The following CACNA1I variants were observed in gnomAD, a reference collection of about 807,000 sequenced individuals.
CACNA1I encodes the protein voltage-dependent T-type calcium channel subunit alpha-1I.
A neutral mutation model predicts 201.6 loss-of-function variants in CACNA1I; 74 were observed. That is an observed-to-expected ratio of 0.37 (90% CI 0.30 to 0.45). The LOEUF is 0.45. CACNA1I is among the 20% of genes least tolerant of loss of function. CACNA1I has a pLI of 1.00. For missense variants in CACNA1I, 2,346 were observed against 3,138.1 expected, an observed-to-expected ratio of 0.75 and a Z score of 6.03; for synonymous variants, 1,431 against 1,345.2, an observed-to-expected ratio of 1.06 and a Z score of -1.40.
At chr22:39,655,794 T>C (rs1163367258) in intron 10 of CACNA1I, among the ~76,000 whole-genome samples, 1 of 152,200 alleles carries the variant, frequency 6.6e-6, no homozygotes, top group African/African-American at 2.4e-5. Context: ...TCATGAGTGA[T>C]GGATGGTCCA....
intron 1 of CACNA1I, among the ~76,000 whole-genome samples, chr22:39,578,836 T>C (rs1006411227): frequency 1.3e-5 from 2 of 152,196 alleles, no homozygotes; most frequent in Non-Finnish European, 2.9e-5. Context: ...TCCAGTGCTC[T>C]GTTTTGAAGC....
intron 20 of CACNA1I, 126 bp from the exon 21 acceptor site, chr22:39,664,613 A>AG: frequency 4.2e-6 from 2 of 474,224 alleles, no homozygotes; most frequent in Non-Finnish European, 3.9e-6. Flanking sequence ...CGCCACTTGC[A>AG]GGACCCCGCC....
rs185568205 is a variant in CACNA1I at position 39,652,544 on chromosome 22, C to T, written c.1992+2619C>T. On this transcript the variant is annotated intron_variant, in intron 10 of 36. Coordinates refer to ENST00000402142, the MANE Select transcript of CACNA1I (RefSeq NM_021096.4). ...ACCCTCAAGGCAGGTATTATTACCT[C>T]GCCCCTCTTGTACCCTTGGAAGGCC... 2.0e-5 allele frequency among the ~76,000 whole-genome samples: 3 copies of T among 152,320 alleles called. No homozygotes were observed. In the East Asian group the frequency reaches 5.8e-4, roughly 29 times the overall value.
chr22:39,684,504 G>C lies in CACNA1I; in HGVS notation c.6027+6G>C, dbSNP rs1412112609. ...ACTGTACCCTCCTCCGGCAGGTACC[G>C]ACACCTCCCAGGCCCTAGAGCACTG... On this transcript the variant is annotated splice_donor_region_variant and intron_variant, in intron 36 of 36. Coordinates refer to ENST00000402142, the MANE Select transcript of CACNA1I (RefSeq NM_021096.4). This position sits in a 1 kb window ranked among gnomAD's most constrained non-coding sequence, Gnocchi z 4.6. 1 of 1,610,966 alleles carries C rather than the reference G, an allele frequency of 6.2e-7. No individual in the cohort carries two copies. Among genetic ancestry groups the C allele is most frequent in the African/African-American group, 1.3e-5 (1 of 74,900 alleles).
intron 31 of CACNA1I, 75 bp from the exon 32 acceptor site, chr22:39,679,032 C>A: frequency 8.3e-7 from 1 of 1,211,242 alleles, no homozygotes; most frequent in South Asian, 1.5e-5. Context: ...CGAGCGTGGC[C>A]CTGGGCTGGC....
chr22:39,609,754 T>G (rs1933330575), intron 3 of CACNA1I, among the ~76,000 whole-genome samples: 1 of 152,182 alleles, frequency 6.6e-6, no homozygotes, highest in Non-Finnish European at 1.5e-5. Flanking sequence ...TCAGGCAAGA[T>G]CACAAGAGAG....
intron 10 of CACNA1I, among the ~76,000 whole-genome samples, chr22:39,657,220 C>G (rs1462550221): frequency 6.6e-6 from 1 of 152,132 alleles, no homozygotes; most frequent in Non-Finnish European, 1.5e-5. Context: ...ATGCCATTTG[C>G]AGGATATCAG....
chr22:39,641,267 C>T (rs1279441833), intron 6 of CACNA1I, 85 bp downstream of exon 6: 15 of 1,161,322 alleles, frequency 1.3e-5, no homozygotes, highest in Middle Eastern at 4.0e-4. Context: ...AGGCATTTGC[C>T]AGCCCTCATC....
rs1439352124 is a variant in CACNA1I, at chr22:39,686,086, G to A, written c.6353G>A (p.Gly2118Asp). Residue 2118 changes from glycine (G) to aspartate (D), a missense_variant, in exon 37 of 37, where the codon GGC becomes GAC. This residue lies in a region of CACNA1I where 441 missense variants were observed against 555.6 expected (regional missense o/e 0.79). Transcript: ENST00000402142. ...EEGRGGAGGG[G>D]AGSEHSETLS... ...GGCCGCGGTGGCGCGGGCGGCGGGG[G>A]CGCGGGCAGCGAGCACTCGGAGACC... The A allele has an allele frequency of 8.1e-7, 1 of 1,235,610 alleles. No individual in the cohort carries two copies. The highest frequency in any genetic ancestry group is 1.0e-6 in the Non-Finnish European group (1 of 992,584). The allele number at this position is 1,235,610 out of a possible 1,614,324, so 76.5% of individuals were successfully genotyped here.
chr22:39,672,962 G>GC lies in CACNA1I; in HGVS notation c.4663_4664insC (p.Asp1555AlafsTer124). 6.2e-7 allele frequency: 1 copy of GC among 1,613,524 alleles called. No individual in the cohort carries two copies. Among genetic ancestry groups the GC allele is most frequent in the Non-Finnish European group, 8.5e-7 (1 of 1,179,630 alleles). ...ACGGCTGAGCAGATGGAACCAGCTGGACCTGGCCATTGTGCTACTGTCAGT... is the reference window on the plus strand; with the variant it reads ...ACGGCTGAGCAGATGGAACCAGCTGGCACCTGGCCATTGTGCTACTGTCAGT... On this transcript the variant is annotated frameshift_variant, in exon 28 of 37. Transcript: ENST00000402142. LOFTEE classifies it high-confidence loss of function.
chr22:39,607,895 C>CGGGG lies in CACNA1I; in HGVS notation c.482+7248_482+7251dup, dbSNP rs34811604. Among the ~76,000 whole-genome samples, 65 of 139,352 alleles carry CGGGG rather than the reference C, an allele frequency of 4.7e-4. 1 individual carries two copies. Among genetic ancestry groups the CGGGG allele is most frequent in the African/African-American group, 1.6e-3 (60 of 36,502 alleles). 91.4% of individuals were successfully genotyped at this position (139,352 alleles called of 152,430 possible). On this transcript the variant is annotated intron_variant, in intron 3 of 36. Transcript: ENST00000402142. ...ATCCCAGCACTTTGGGGTGCCAAGG[C>CGGGG]GGGGGGGGGTCACCTGAGGTCAGGA...
chr22:39,661,124 A>G lies in CACNA1I; in HGVS notation c.2715A>G (p.Pro905=). ...LDSSGDPKLC[P]IPMTPNGHLD... is the part of the protein sequence containing the mutation. ...CTCCTCCAGATCCCAAGCTCTGCCC[A>G]ATCCCCATGACCCCCAATGGGCACC... The change falls in exon 16 of 37, where the codon CCA becomes CCG. Residue 905 remains proline (P), a synonymous_variant. Coordinates refer to ENST00000402142, the MANE Select transcript of CACNA1I (RefSeq NM_021096.4). The G allele has an allele frequency of 6.2e-7, 1 of 1,613,114 alleles. No individual in the cohort carries two copies. The highest frequency in any genetic ancestry group is 2.2e-5 in the East Asian group (1 of 44,850).
intron 3 of CACNA1I, among the ~76,000 whole-genome samples, chr22:39,614,754 G>A (rs1933482414): frequency 6.6e-6 from 1 of 152,190 alleles, no homozygotes; most frequent in African/African-American, 2.4e-5. Context: ...AGAGGGTGCT[G>A]GGAAGAAATG....
At chr22:39,623,542 T>TTG (rs924864976) in intron 4 of CACNA1I, among the ~76,000 whole-genome samples, 2 of 147,068 alleles carry the variant, frequency 1.4e-5, no homozygotes, top group African/African-American at 2.5e-5. Flanking sequence ...ATATGTGTGC[T>TTG]TGTGTGTGTG....
intron 26 of CACNA1I, 92 bp downstream of exon 26, chr22:39,671,046 T>G: frequency 2.5e-6 from 3 of 1,202,414 alleles, no homozygotes; most frequent in Non-Finnish European, 3.6e-6. Flanking sequence ...GGGAAGGGGT[T>G]AGCTGATAGC....
chr22:39,588,868 C>G (rs132579), intron 1 of CACNA1I, among the ~76,000 whole-genome samples: 1 of 152,134 alleles, frequency 6.6e-6, no homozygotes, highest in Admixed American at 6.5e-5. Flanking sequence ...ATTGGAGTTA[C>G]GCGTTGTTTG....
In CACNA1I at chr22:39,649,196, G is replaced by A. The variant is rs1053180319; in HGVS notation, c.1568-305G>A. Among the ~76,000 whole-genome samples, 4 of 152,236 alleles carry A rather than the reference G, an allele frequency of 2.6e-5. No individual in the cohort carries two copies. Among genetic ancestry groups the A allele is most frequent in the African/African-American group, 9.6e-5 (4 of 41,466 alleles). ...TGCTGACCCAGGGCCTAGGCCAGGA[G>A]GGATGGCCGGTCAGCACGGATGCGC... On this transcript the variant is annotated intron_variant, in intron 9 of 36. Transcript: ENST00000402142. The surrounding 1 kb of genome is among the most constrained non-coding windows in gnomAD (Gnocchi z 7.3).
At chr22:39,636,192 C>G (rs976591037) in intron 5 of CACNA1I, among the ~76,000 whole-genome samples, 2 of 152,204 alleles carry the variant, frequency 1.3e-5, no homozygotes, top group African/African-American at 2.4e-5. Context: ...GACTCTGCGT[C>G]CCGTTCCCTG....
At chr22:39,583,842 C>T (rs1382040926) in intron 1 of CACNA1I, among the ~76,000 whole-genome samples, 2 of 152,262 alleles carry the variant, frequency 1.3e-5, no homozygotes, top group Non-Finnish European at 2.9e-5. Context: ...AAGATGGGTT[C>T]CATGTTCCAA....
Sources: allele counts gnomAD v4.1 joint callset (sites outside exome capture counted in the v4.1 genomes callset), GRCh38; gene constraint gnomAD v4.1.1; regional missense constraint gnomAD v4.1.1; non-coding constraint Gnocchi (gnomAD v3.1); transcripts MANE v1.5; gene names NCBI Gene and HGNC (gene_info 2026-07-23, HGNC 2026-07-21).